The following ZNF385B variants were observed in gnomAD, a reference collection of about 807,000 sequenced individuals.
ZNF385B encodes the protein zinc finger protein 533.
ZNF385B carries 23 observed loss-of-function variants against 39.2 expected under a neutral mutation model. That is an observed-to-expected ratio of 0.59 (90% confidence interval 0.42 to 0.83). The LOEUF is 0.83. Among genes scored for constraint, ZNF385B ranks in the 40% least tolerant of loss-of-function variants. The pLI is 0.00. For synonymous variants in ZNF385B, 205 were observed against 222.6 expected (o/e 0.92, Z 0.70); for missense variants, 552 against 598.9 (o/e 0.92, Z 0.82).
At chr2:179,525,215 T>G (rs2058814521) in intron 4 of ZNF385B, among the ~76,000 whole-genome samples, 1 of 152,156 alleles carries the variant, frequency 6.6e-6, no homozygotes, top group Non-Finnish European at 1.5e-5. Flanking sequence ...TGGAGAAGAA[T>G]GGATAAGACT....
chr2:179,447,352 C>T (rs1179245100), intron 6 of ZNF385B, among the ~76,000 whole-genome samples: 2 of 152,152 alleles, frequency 1.3e-5, no homozygotes, highest in African/African-American at 4.8e-5. Flanking sequence ...AGCTTCCATT[C>T]ATTATCTTTA....
At chr2:179,667,526 A>G (rs1202439760) in intron 3 of ZNF385B, among the ~76,000 whole-genome samples, 1 of 152,126 alleles carries the variant, frequency 6.6e-6, no homozygotes, top group Non-Finnish European at 1.5e-5. Context: ...CATTCCAGCC[A>G]TAGCTGACTG....
intron 3 of ZNF385B, among the ~76,000 whole-genome samples, chr2:179,602,999 G>C (rs540430641): frequency 3.0e-4 from 46 of 152,250 alleles, no homozygotes; most frequent in African/African-American, 1.1e-3. Context: ...AATTCCACAA[G>C]TATTTTCAAA....
chr2:179,626,766 G>A (rs1185026247), intron 3 of ZNF385B, among the ~76,000 whole-genome samples: 1 of 151,966 alleles, frequency 6.6e-6, no homozygotes, highest in Non-Finnish European at 1.5e-5. Flanking sequence ...AGAAAAAAAA[G>A]ACCCAACCCT....
At chr2:179,631,723 G>A (rs1271063244) in intron 3 of ZNF385B, among the ~76,000 whole-genome samples, 5 of 152,048 alleles carry the variant, frequency 3.3e-5, no homozygotes, top group Non-Finnish European at 5.9e-5. Context: ...AAACAGACTG[G>A]CAAATTGGAT....
At chr2:179,855,280 T>A (rs1684502982) in intron 1 of ZNF385B, among the ~76,000 whole-genome samples, 1 of 152,240 alleles carries the variant, frequency 6.6e-6, no homozygotes, top group Non-Finnish European at 1.5e-5. Context: ...TGTGTGCTTT[T>A]CTTATTTTTA....
intron 5 of ZNF385B, among the ~76,000 whole-genome samples, chr2:179,510,574 G>A (rs1229429423): frequency 2.0e-5 from 3 of 152,066 alleles, no homozygotes; most frequent in African/African-American, 7.2e-5. Flanking sequence ...GTTGGTTTGA[G>A]TTTCAAGTAA....
chr2:179,699,919 C>A (rs920134839), intron 3 of ZNF385B, among the ~76,000 whole-genome samples: 1 of 152,094 alleles, frequency 6.6e-6, no homozygotes, highest in Non-Finnish European at 1.5e-5. Context: ...ATACAATCAT[C>A]GACACCACTC....
At chr2:179,582,567 A>G (rs1180996601) in intron 3 of ZNF385B, among the ~76,000 whole-genome samples, 1 of 152,126 alleles carries the variant, frequency 6.6e-6, no homozygotes, top group African/African-American at 2.4e-5. Flanking sequence ...TTAGTTCTTG[A>G]GGAGACATCA....
At chr2:179,699,664 T>A (rs1699029943) in intron 3 of ZNF385B, among the ~76,000 whole-genome samples, 1 of 152,216 alleles carries the variant, frequency 6.6e-6, no homozygotes, top group Non-Finnish European at 1.5e-5. Context: ...GATACCCACA[T>A]GACAACCCTG....
chr2:179,664,544 GAACA>G (rs1364271117), intron 3 of ZNF385B, among the ~76,000 whole-genome samples: 3 of 151,882 alleles, frequency 2.0e-5, no homozygotes, highest in Non-Finnish European at 4.4e-5. Flanking sequence ...GAAAAATAAA[GAACA>G]AAAAGAAAAA....
At chr2:179,575,794 T>C (rs527834025) in intron 3 of ZNF385B, among the ~76,000 whole-genome samples, 55 of 152,150 alleles carry the variant, frequency 3.6e-4, no homozygotes, top group African/African-American at 1.3e-3. Flanking sequence ...AGACTTTTGT[T>C]TTTTTTTAAA....
chr2:179,724,411 AG>A (rs1172417179), intron 3 of ZNF385B, among the ~76,000 whole-genome samples: 1 of 152,204 alleles, frequency 6.6e-6, no homozygotes, highest in Non-Finnish European at 1.5e-5. Flanking sequence ...CAGTATTGAA[AG>A]AAACTGTCTA....
At chr2:179,631,359 C>T (rs377716243) in intron 3 of ZNF385B, among the ~76,000 whole-genome samples, 25 of 152,228 alleles carry the variant, frequency 1.6e-4, no homozygotes, top group African/African-American at 5.8e-4. Flanking sequence ...GAGTAGCGGT[C>T]AATATTCAAC....
intron 3 of ZNF385B, among the ~76,000 whole-genome samples, chr2:179,760,094 G>T (rs541726768): frequency 6.6e-6 from 1 of 151,168 alleles, no homozygotes; most frequent in Non-Finnish European, 1.5e-5. Context: ...TGTCACCCAG[G>T]CTGGAGTGCA....
At chr2:179,586,020 C>G (rs939829013) in intron 3 of ZNF385B, 7 of 152,184 alleles carry the variant, frequency 4.6e-5, no homozygotes, top group African/African-American at 1.7e-4. Flanking sequence ...TTCCAATGAT[C>G]CTTTGCATAT....
chr2:179,472,821 C>T (rs2052936917), intron 6 of ZNF385B, among the ~76,000 whole-genome samples: 1 of 152,134 alleles, frequency 6.6e-6, no homozygotes, highest in East Asian at 1.9e-4. Flanking sequence ...GGCTGCTTCC[C>T]CACATGTGGC....
rs1379228198 is a variant in ZNF385B at position 179,442,262 on chromosome 2, C to A, written c.*988G>T. Reference sequence around the variant, plus strand: ...TGTACATTATTGCATTAGGGAGCCACAAAATTATGTAGCATCATTACAAAT... The same window carrying A: ...TGTACATTATTGCATTAGGGAGCCAAAAAATTATGTAGCATCATTACAAAT... On this transcript the variant is annotated 3_prime_UTR_variant, in exon 10 of 10. Transcript: ENST00000410066. 3.9e-5 allele frequency: 6 copies of A among 152,484 alleles called. No homozygotes were observed. Among genetic ancestry groups the A allele is most frequent in the Non-Finnish European group, 5.9e-5 (4 of 68,012 alleles). The allele number at this position is 152,484 out of a possible 1,614,324, so 9.4% of individuals were successfully genotyped here.
chr2:179,757,487 G>T (rs2106480980), intron 3 of ZNF385B, among the ~76,000 whole-genome samples: 1 of 152,326 alleles, frequency 6.6e-6, no homozygotes, highest in Admixed American at 6.5e-5. Context: ...TCTCTTCAAA[G>T]CTGTCAGACA....
Sources: allele counts gnomAD v4.1 joint callset (sites outside exome capture counted in the v4.1 genomes callset), GRCh38; gene constraint gnomAD v4.1.1; transcripts MANE v1.5; gene names NCBI Gene and HGNC (gene_info 2026-07-23, HGNC 2026-07-21).